The following CNTN4 variants were observed in gnomAD, a reference collection of about 807,000 sequenced individuals.
The protein encoded by CNTN4 is contactin-4.
CNTN4 carries 77 observed loss-of-function variants against 122.5 expected under a neutral mutation model. The ratio of observed to expected loss-of-function variants is 0.63; its 90% CI spans 0.52 to 0.76. The LOEUF (loss-of-function observed/expected upper bound fraction) is 0.76. CNTN4 is among the 30% of genes least tolerant of loss of function. The pLI is 0.00. For synonymous variants in CNTN4, 512 were observed against 447.0 expected (o/e 1.15, Z -1.83); for missense variants, 1,256 against 1,259.1 (o/e 1.00, Z 0.04).
chr3:3,057,876 C>G lies in CNTN4; in HGVS notation c.*1656C>G. 1 of 152,442 alleles carries G rather than the reference C, an allele frequency of 6.6e-6. No individual in the cohort carries two copies. Among genetic ancestry groups the G allele is most frequent in the East Asian group, 1.9e-4 (1 of 5,192 alleles). 9.4% of individuals were successfully genotyped at this position (152,442 alleles called of 1,614,324 possible). A position where few individuals can be genotyped will look rare whatever the true frequency, so the allele number is the denominator to read the frequency against. ...AATGACACCCAGGGAGTTCCCAACC[C>G]CAGTGTAAATGATATTTACCAGTGA... On this transcript the variant is annotated 3_prime_UTR_variant, in exon 25 of 25. Coordinates refer to ENST00000418658, the MANE Select transcript of CNTN4 (RefSeq NM_175607.3).
At chr3:2,456,337 GTATATA>G (rs1376126215) in intron 3 of CNTN4, among the ~76,000 whole-genome samples, 7 of 152,042 alleles carry the variant, frequency 4.6e-5, no homozygotes, top group African/African-American at 1.7e-4. Context: ...ATCTCAAATT[GTATATA>G]TTTATTTCTA....
intron 3 of CNTN4, among the ~76,000 whole-genome samples, chr3:2,521,557 A>G (rs144344812): frequency 6.6e-6 from 1 of 152,230 alleles, no homozygotes. Flanking sequence ...AAGTTTTACA[A>G]CTGCAAAGTG....
Position 2,256,479 on chromosome 3 carries a change from A to T in CNTN4, c.-144-82699A>T, listed in dbSNP as rs1457162812. Reference sequence around the variant, plus strand: ...ATCCTGATACCAAAACCTGGCAGAGACACAACAAAAAAAGAAAATTTCAGG... The same window carrying T: ...ATCCTGATACCAAAACCTGGCAGAGTCACAACAAAAAAAGAAAATTTCAGG... On this transcript the variant is annotated intron_variant, in intron 2 of 24. Transcript: ENST00000418658. Among the ~76,000 whole-genome samples the T allele has an allele frequency of 2.6e-5, 4 of 152,196 alleles. No homozygotes were observed. The East Asian group carries it at 7.7e-4, about 29-fold the overall frequency.
chr3:2,876,613 A>T (rs928019148), intron 8 of CNTN4, among the ~76,000 whole-genome samples: 1 of 152,240 alleles, frequency 6.6e-6, no homozygotes, highest in Non-Finnish European at 1.5e-5. Context: ...TCCTTCTGCC[A>T]ACAGAGTCTC....
chr3:2,231,016 T>C (rs1157054962), intron 2 of CNTN4, among the ~76,000 whole-genome samples: 2 of 151,914 alleles, frequency 1.3e-5, no homozygotes, highest in African/African-American at 4.8e-5. Flanking sequence ...AAAAGAAATA[T>C]GATGTGAATC....
At chr3:2,258,486 G>A (rs1236113460) in intron 2 of CNTN4, among the ~76,000 whole-genome samples, 2 of 152,102 alleles carry the variant, frequency 1.3e-5, no homozygotes, top group African/African-American at 4.8e-5. Context: ...AGTACATCTA[G>A]ATAGTTGTTG....
At chr3:2,614,364 T>C (rs2149854527) in intron 4 of CNTN4, among the ~76,000 whole-genome samples, 1 of 152,284 alleles carries the variant, frequency 6.6e-6, no homozygotes, top group South Asian at 2.1e-4. Context: ...AAAGGATTGA[T>C]TTTGATTCTG....
chr3:2,488,208 A>G (rs1163389327), intron 3 of CNTN4, among the ~76,000 whole-genome samples: 1 of 152,230 alleles, frequency 6.6e-6, no homozygotes, highest in African/African-American at 2.4e-5. Context: ...TTAGCAATCA[A>G]AGTTCATGTT....
intron 8 of CNTN4, among the ~76,000 whole-genome samples, chr3:2,872,782 C>A (rs1577112078): frequency 1.3e-5 from 2 of 151,800 alleles, no homozygotes; most frequent in African/African-American, 2.4e-5. Flanking sequence ...ATATATAAAC[C>A]AGATATATTG....
rs548420571 is a variant in CNTN4 at position 2,557,687 on chromosome 3, CCACTGCACTCCAGCCTGGGCAA to C, written c.-88-13704_-88-13683del. Among the ~76,000 whole-genome samples, 312 of 151,600 alleles carry C rather than the reference CCACTGCACTCCAGCCTGGGCAA, an allele frequency of 2.1e-3. 1 individual carries two copies. The highest frequency in any genetic ancestry group is 6.0e-3 in the African/African-American group (247 of 41,288). ...GAGCTTGCAGTGAGCTGAGATTCCA[CCACTGCACTCCAGCCTGGGCAA>C]CACTGCACTCCAGCCTGGGCAACAG... On this transcript the variant is annotated intron_variant, in intron 3 of 24. Transcript: ENST00000418658.
intron 4 of CNTN4, among the ~76,000 whole-genome samples, chr3:2,639,627 G>A (rs1432796035): frequency 6.6e-6 from 1 of 152,176 alleles, no homozygotes; most frequent in Non-Finnish European, 1.5e-5. Context: ...CCTGAGAATA[G>A]TGCCTGGCAC....
intron 14 of CNTN4, among the ~76,000 whole-genome samples, chr3:3,022,896 A>G (rs1228703488): frequency 6.6e-6 from 1 of 152,200 alleles, no homozygotes; most frequent in Non-Finnish European, 1.5e-5. Flanking sequence ...AATTACATCC[A>G]AATCCAGCCG....
intron 14 of CNTN4, among the ~76,000 whole-genome samples, chr3:3,004,893 G>T (rs1696461368): frequency 6.6e-6 from 1 of 152,158 alleles, no homozygotes; most frequent in Non-Finnish European, 1.5e-5. Context: ...GGGTCAGCTG[G>T]GTGGCTCTAT....
intron 13 of CNTN4, among the ~76,000 whole-genome samples, chr3:2,971,547 A>C (rs1218341547): frequency 6.6e-6 from 1 of 152,212 alleles, no homozygotes; most frequent in Non-Finnish European, 1.5e-5. Flanking sequence ...GAAAAACAAT[A>C]AGCAGAATTC....
intron 4 of CNTN4, among the ~76,000 whole-genome samples, chr3:2,643,733 G>C (rs924649818): frequency 6.6e-6 from 1 of 152,110 alleles, no homozygotes; most frequent in Admixed American, 6.5e-5. Flanking sequence ...TCTCCATTCT[G>C]CTTTGTATGT....
intron 4 of CNTN4, among the ~76,000 whole-genome samples, chr3:2,630,634 C>T (rs945652433): frequency 6.6e-6 from 1 of 151,696 alleles, no homozygotes; most frequent in Non-Finnish European, 1.5e-5. Context: ...GTTAAATCTT[C>T]TTCTCTGTAA....
rs143739111 is a variant in CNTN4, at chr3:2,194,618, G to A, written c.-145+93979G>A. ...ATTTGTAAATAGGATTGTTGCATGC[G>A]TAATTAATTTACATAATGTCATACT... is the stretch of plus-strand genomic sequence containing the variant. On this transcript the variant is annotated intron_variant, in intron 2 of 24. Coordinates refer to ENST00000418658, the MANE Select transcript of CNTN4 (RefSeq NM_175607.3). Among the ~76,000 whole-genome samples the A allele has an allele frequency of 7.9e-5, 12 of 152,210 alleles. No individual in the cohort carries two copies. The East Asian group carries it at 1.2e-3, about 15-fold the overall frequency.
chr3:2,509,013 A>G, intron 3 of CNTN4, among the ~76,000 whole-genome samples: 1 of 152,250 alleles, frequency 6.6e-6, no homozygotes, highest in East Asian at 1.9e-4. Context: ...TGCAAATCAC[A>G]TGATGGCAAA....
At chr3:2,761,104 A>G (rs956312657) in intron 6 of CNTN4, among the ~76,000 whole-genome samples, 3 of 152,206 alleles carry the variant, frequency 2.0e-5, no homozygotes, top group African/African-American at 7.2e-5. Context: ...TTGCATAACT[A>G]AAAGGCCCAC....
Sources: allele counts gnomAD v4.1 joint callset (sites outside exome capture counted in the v4.1 genomes callset), GRCh38; gene constraint gnomAD v4.1.1; transcripts MANE v1.5; gene names NCBI Gene and HGNC (gene_info 2026-07-23, HGNC 2026-07-21).